Variants in VIRMA observed in about 807,000 individuals in gnomAD.
The protein encoded by VIRMA is protein virilizer homolog.
A neutral mutation model predicts 182.4 loss-of-function variants in VIRMA; 65 were observed. The observed-to-expected ratio is 0.36, with a 90% CI of 0.29 to 0.44. The LOEUF is 0.44. VIRMA is among the 20% of genes least tolerant of loss of function. The pLI, the probability that VIRMA is intolerant of heterozygous loss-of-function variation, is 1.00. For missense variants in VIRMA, 1,752 were observed against 2,158.1 expected (o/e 0.81, Z 3.73); for synonymous variants, 709 against 743.1 (o/e 0.95, Z 0.75).
Position 94,491,867 on chromosome 8 carries a change from A to T in VIRMA, c.4851T>A (p.Val1617=). The T allele has an allele frequency of 6.2e-7, 1 of 1,611,548 alleles. No individual in the cohort carries two copies. Among genetic ancestry groups the T allele is most frequent in the South Asian group, 1.1e-5 (1 of 90,932 alleles). The change falls in exon 22 of 24, where the codon GTT becomes GTA. Residue 1617 remains valine (V), a synonymous_variant. Transcript: ENST00000297591. Reference sequence around the variant, plus strand: ...TGCCCCTTCCTCTTGGTGGTGGCACAACATGAGCTCTTTTGGCAGGTTCAA... The same window carrying T: ...TGCCCCTTCCTCTTGGTGGTGGCACTACATGAGCTCTTTTGGCAGGTTCAA... The part of the protein sequence containing the change: ...EYIEPAKRAH[V]VPPPRGRGRG...
chr8:94,544,760 G>GT (rs1563482805), intron 1 of VIRMA, among the ~76,000 whole-genome samples: 3 of 151,454 alleles, frequency 2.0e-5, no homozygotes, highest in African/African-American at 7.3e-5. Context: ...AGGGTTTTGT[G>GT]TTTTTTGGTG....
chr8:94,511,739 G>A lies in VIRMA; in HGVS notation c.2846-10C>T. On this transcript the variant is annotated splice_polypyrimidine_tract_variant and intron_variant, in intron 12 of 23. Coordinates refer to ENST00000297591, the MANE Select transcript of VIRMA (RefSeq NM_015496.5). ...AGATCTTTCTGTTGACCTTTATATA[G>A]GATAAGAAAAAGAAACAAAACTAAT... 1.9e-6 allele frequency: 3 copies of A among 1,582,668 alleles called. No individual in the cohort carries two copies. Among genetic ancestry groups the A allele is most frequent in the Non-Finnish European group, 1.7e-6 (2 of 1,164,488 alleles).
chr8:94,527,783 G>A (rs1393237818), intron 7 of VIRMA, among the ~76,000 whole-genome samples: 1 of 152,124 alleles, frequency 6.6e-6, no homozygotes, highest in African/African-American at 2.4e-5. Context: ...TTTAAGTTAA[G>A]TAAGAACTAA....
intron 16 of VIRMA, among the ~76,000 whole-genome samples, chr8:94,504,610 C>A (rs745778875): frequency 5.3e-5 from 8 of 152,046 alleles, no homozygotes; most frequent in Admixed American, 1.3e-4. Context: ...TCTGAGAGAA[C>A]GAATTTTAGA....
At chr8:94,504,567 TC>T (rs763209600) in intron 16 of VIRMA, among the ~76,000 whole-genome samples, 4 of 152,108 alleles carry the variant, frequency 2.6e-5, no homozygotes, top group East Asian at 3.9e-4. Flanking sequence ...TCAGCAGAAA[TC>T]CGGTTTTAAG....
In VIRMA at chr8:94,519,317, T is replaced by C. The variant is rs763700712; in HGVS notation, c.2181A>G (p.Ala727=). The stretch of plus-strand genomic sequence containing the variant: ...ACAGAGCTCGGATCAATAAATTTGT[T>C]GCTTCATATTCCGACATAAAAAAAA... ...GLLFFMSEYE[A]TNLLIRALCH... The change falls in exon 9 of 24, where the codon GCA becomes GCG. Residue 727 remains alanine (A), a synonymous_variant. Coordinates refer to ENST00000297591, the MANE Select transcript of VIRMA (RefSeq NM_015496.5). 1.2e-6 allele frequency: 2 copies of C among 1,612,644 alleles called. No homozygotes were observed. Among genetic ancestry groups the C allele is most frequent in the Non-Finnish European group, 1.7e-6 (2 of 1,179,684 alleles).
Position 94,546,677 on chromosome 8 carries a change from T to C in VIRMA, c.64-2735A>G, listed in dbSNP as rs891701935. On this transcript the variant is annotated intron_variant, in intron 1 of 23. Coordinates refer to ENST00000297591, the MANE Select transcript of VIRMA (RefSeq NM_015496.5). The stretch of plus-strand genomic sequence containing the variant: ...TACCTGTCTCCCAAGCAGTGTGCAC[T>C]GTACCCAATATGTAGTCTTTTATCC... The C allele has an allele frequency of 5.8e-5, 17 of 292,760 alleles. 1 individual carries two copies. The highest frequency in any genetic ancestry group is 3.7e-4 in the African/African-American group (16 of 43,174). The allele number at this position is 292,760 out of a possible 1,614,324, so 18.1% of individuals were successfully genotyped here.
chr8:94,511,790 GAATT>G, intron 12 of VIRMA, 61 bp from the exon 13 acceptor site: 4 of 1,008,528 alleles, frequency 4.0e-6, no homozygotes, highest in Non-Finnish European at 5.4e-6. Flanking sequence ...AACTGATTAA[GAATT>G]ATTAAAGTGA....
Position 94,512,024 on chromosome 8 carries a change from A to AT in VIRMA, c.2816dup (p.Asn939LysfsTer10). On this transcript the variant is annotated frameshift_variant, in exon 12 of 24. Coordinates refer to ENST00000297591, the MANE Select transcript of VIRMA (RefSeq NM_015496.5). LOFTEE classifies it high-confidence loss of function. ...CAACAGGAGGTGGTGGGCATGCAAC[A>AT]TTACAGAGAACACGTAAGGCAGTGG... 6.5e-7 allele frequency: 1 copy of AT among 1,534,808 alleles called. No individual in the cohort carries two copies. The highest frequency in any genetic ancestry group is 8.8e-7 in the Non-Finnish European group (1 of 1,140,458).
At position 94,526,269 on chromosome 8, in the gene VIRMA, T is replaced by G; in HGVS notation, c.1975A>C (p.Ile659Leu). ...TCATCCCTCTCTGGAGGTCCAGTAA[T>G]TCGTGCCATCGTTGGGAAAGACTTA... ...PVKSFPTMAR[I>L]TGPPERDDPY... The change falls in exon 8 of 24, where the codon ATT becomes CTT. Residue 659 changes from isoleucine (I) to leucine (L), a missense_variant. By Grantham distance (5) the Ile-to-Leu change is conservative. Transcript: ENST00000297591. 1 of 1,613,864 alleles carries G rather than the reference T, an allele frequency of 6.2e-7. No individual in the cohort carries two copies. The highest frequency in any genetic ancestry group is 8.5e-7 in the Non-Finnish European group (1 of 1,179,870).
chr8:94,500,588 G>A (rs1813933923), intron 16 of VIRMA, among the ~76,000 whole-genome samples: 1 of 151,830 alleles, frequency 6.6e-6, no homozygotes. Context: ...GAGCAACTGG[G>A]GCTCTAATAC....
intron 19 of VIRMA, 53 bp from the exon 20 acceptor site, chr8:94,495,009 A>ATTTT: frequency 9.5e-6 from 10 of 1,050,030 alleles, no homozygotes; most frequent in South Asian, 2.8e-5. Context: ...TCAAATTTCA[A>ATTTT]TTTTTTTTTT....
At chr8:94,535,148 T>A in intron 4 of VIRMA, 141 bp from the exon 5 acceptor site, 1 of 1,276,290 alleles carries the variant, frequency 7.8e-7, no homozygotes, top group East Asian at 2.6e-5. Flanking sequence ...AAAGTGAAAT[T>A]TACCTAGGCA....
chr8:94,533,170 A>C (rs1180391409), intron 5 of VIRMA, among the ~76,000 whole-genome samples: 1 of 146,132 alleles, frequency 6.8e-6, no homozygotes, highest in East Asian at 2.0e-4. Flanking sequence ...GGTTTGGTTA[A>C]AAAAAAAAAA....
chr8:94,534,809 C>T (rs3102863), intron 5 of VIRMA, 30 bp downstream of exon 5: 132,104 of 1,600,414 alleles, frequency 0.083, 7,682 homozygotes, highest in African/African-American at 0.24. Context: ...ATATAAGTTT[C>T]ACTTGCAAAA....
chr8:94,496,628 T>C (rs1325976889), intron 17 of VIRMA, 148 bp from the exon 18 acceptor site: 9 of 542,838 alleles, frequency 1.7e-5, no homozygotes, highest in Non-Finnish European at 2.8e-5. Flanking sequence ...GTTTTAAGGA[T>C]TTAGATGAAA....
chr8:94,492,134 A>G (rs1480417860), intron 21 of VIRMA, among the ~76,000 whole-genome samples: 1 of 152,158 alleles, frequency 6.6e-6, no homozygotes, highest in Non-Finnish European at 1.5e-5. Flanking sequence ...TTCACTTCTT[A>G]TTCAAACCTT....
chr8:94,533,821 G>C (rs1815248976), intron 5 of VIRMA: 1 of 151,978 alleles, frequency 6.6e-6, no homozygotes, highest in Non-Finnish European at 1.5e-5. Flanking sequence ...CGATCCTTTT[G>C]CCTCAGCCTC....
At chr8:94,497,244 G>A (rs28406352) in intron 17 of VIRMA, 6,065 of 152,056 alleles carry the variant, frequency 0.04, 131 homozygotes, top group Middle Eastern at 0.051. Flanking sequence ...GGGACTGACT[G>A]CAAGCACGTG....
Sources: gnomAD v4.1 joint callset for allele counts (sites outside exome capture counted in the v4.1 genomes callset) on GRCh38, gnomAD v4.1.1 for gene constraint, MANE v1.5 for transcripts, NCBI Gene and HGNC (gene_info 2026-07-23, HGNC 2026-07-21) for gene names.